The following PCDHA4 variants were observed in gnomAD, a reference collection of about 807,000 sequenced individuals.
The protein encoded by PCDHA4 is protocadherin alpha 4, also known as protocadherin alpha-4.
PCDHA4 carries 49 observed loss-of-function variants against 61.4 expected under a neutral mutation model. That is an observed-to-expected ratio of 0.80 (90% CI 0.63 to 1.01). The LOEUF (loss-of-function observed/expected upper bound fraction) is 1.01, where lower values mean the gene tolerates loss of function less well. PCDHA4 is among the 50% of genes least tolerant of loss of function. The pLI, the probability that PCDHA4 is intolerant of heterozygous loss-of-function variation, is 0.00. For missense variants in PCDHA4, 1,254 were observed against 1,235.8 expected, an observed-to-expected ratio of 1.01 and a Z score of -0.22; for synonymous variants, 590 against 550.3, an observed-to-expected ratio of 1.07 and a Z score of -1.01.
chr5:140,985,283 A>G (rs955144760), intron 3 of PCDHA4, among the ~76,000 whole-genome samples: 6 of 152,020 alleles, frequency 3.9e-5, no homozygotes, highest in Admixed American at 1.3e-4. Context: ...TCTGCAATCT[A>G]TGATATAGTG....
chr5:140,932,373 A>T (rs927239233), intron 1 of PCDHA4, among the ~76,000 whole-genome samples: 1 of 151,942 alleles, frequency 6.6e-6, no homozygotes, highest in Non-Finnish European at 1.5e-5. Flanking sequence ...AAATTTCCAC[A>T]TGAAAGTTAT....
At chr5:140,883,960 G>C in intron 1 of PCDHA4, 5 of 1,613,090 alleles carry the variant, frequency 3.1e-6, no homozygotes, top group Non-Finnish European at 4.2e-6. Flanking sequence ...ACGCTCCGGC[G>C]CTGCTGACGC....
chr5:140,848,973 G>A, intron 1 of PCDHA4: 1 of 1,600,934 alleles, frequency 6.2e-7, no homozygotes, highest in South Asian at 1.1e-5. Context: ...CGCGTCCGAT[G>A]CAGATATCGG....
chr5:140,927,702 C>T (rs533775539), intron 1 of PCDHA4: 2 of 1,614,210 alleles, frequency 1.2e-6, no homozygotes, highest in South Asian at 1.1e-5. Flanking sequence ...AAGTCCAGTA[C>T]TCCCTAAGCA....
At chr5:140,916,592 G>A (rs1554197534) in intron 1 of PCDHA4, among the ~76,000 whole-genome samples, 2 of 152,164 alleles carry the variant, frequency 1.3e-5, no homozygotes, top group Non-Finnish European at 2.9e-5. Flanking sequence ...ATGAGCTAGG[G>A]CCTGGAATGC....
At chr5:140,843,295 G>T in intron 1 of PCDHA4, 1 of 1,595,950 alleles carries the variant, frequency 6.3e-7, no homozygotes, top group African/African-American at 1.3e-5. Flanking sequence ...GTGAACCTGC[G>T]CTGACCGCCA....
chr5:140,863,308 G>T (rs782229195), intron 1 of PCDHA4: 3 of 1,462,294 alleles, frequency 2.1e-6, no homozygotes, highest in Non-Finnish European at 1.9e-6. Context: ...CGCCATCTGC[G>T]TGGTGTCCAG....
chr5:140,967,810 C>T, intron 1 of PCDHA4: 1 of 1,614,176 alleles, frequency 6.2e-7, no homozygotes, highest in Non-Finnish European at 8.5e-7. Context: ...TGGCAGGTCA[C>T]TGCAAGGTGC....
intron 3 of PCDHA4, among the ~76,000 whole-genome samples, chr5:141,002,322 G>A (rs1477526091): frequency 6.6e-6 from 1 of 152,190 alleles, no homozygotes; most frequent in South Asian, 2.1e-4. Context: ...CCTGGAGGCC[G>A]GGCTGCATCC....
At chr5:140,842,563 C>T in intron 1 of PCDHA4, 2 of 1,499,332 alleles carry the variant, frequency 1.3e-6, no homozygotes, top group South Asian at 1.2e-5. Flanking sequence ...GCGCCCTGGA[C>T]CGCGAGAGAG....
At chr5:140,937,085 T>G (rs1386368270) in intron 1 of PCDHA4, among the ~76,000 whole-genome samples, 2 of 150,536 alleles carry the variant, frequency 1.3e-5, no homozygotes, top group African/African-American at 4.9e-5. Context: ...TCGCCCAGGC[T>G]GGAGTGCAGT....
chr5:140,945,321 A>G (rs558331825), intron 1 of PCDHA4, among the ~76,000 whole-genome samples: 1 of 152,258 alleles, frequency 6.6e-6, no homozygotes, highest in Non-Finnish European at 1.5e-5. Flanking sequence ...AAATGGAAAT[A>G]TATTTTATGT....
intron 1 of PCDHA4, chr5:140,928,699 G>C (rs782291734): frequency 1.2e-6 from 2 of 1,614,170 alleles, no homozygotes; most frequent in East Asian, 2.2e-5. Flanking sequence ...CATCTCCCGG[G>C]CGTCTGACTC....
At chr5:140,983,585 A>G (rs561693645) in intron 3 of PCDHA4, among the ~76,000 whole-genome samples, 18 of 152,338 alleles carry the variant, frequency 1.2e-4, no homozygotes, top group Non-Finnish European at 2.1e-4. Flanking sequence ...TATTACATCT[A>G]TTCTACATAT....
chr5:140,881,494 A>G (rs1483226847), intron 1 of PCDHA4: 1 of 293,548 alleles, frequency 3.4e-6, no homozygotes, highest in African/African-American at 2.3e-5. Flanking sequence ...GTTTATGCAC[A>G]TACACACACT....
rs1554145527 is a variant in PCDHA4, at chr5:140,851,758, C to T, written c.2385+42186C>T. The T allele has an allele frequency of 1.1e-5, 11 of 969,794 alleles. 1 individual carries two copies. The highest frequency in any genetic ancestry group is 1.4e-5 in the Non-Finnish European group (11 of 802,714). 60.1% of individuals were successfully genotyped at this position (969,794 alleles called of 1,614,324 possible). ...GAAATTCAGAGTCTGTAACTTAAAACATTACCCTTATGAATTTAGATGAGA... is the reference window on the plus strand; with the variant it reads ...GAAATTCAGAGTCTGTAACTTAAAATATTACCCTTATGAATTTAGATGAGA... On this transcript the variant is annotated intron_variant, in intron 1 of 3. Transcript: ENST00000530339.
intron 1 of PCDHA4, chr5:140,869,893 C>T (rs375422597): frequency 6.2e-7 from 1 of 1,610,510 alleles, no homozygotes; most frequent in Admixed American, 1.7e-5. Flanking sequence ...TGTGCTCAAA[C>T]TAAACGCCAC....
At chr5:140,857,327 C>G (rs1554149849) in intron 1 of PCDHA4, 1 of 1,598,614 alleles carries the variant, frequency 6.3e-7, no homozygotes, top group Non-Finnish European at 8.6e-7. Flanking sequence ...GGTGACCGCG[C>G]GGGACGGGGG....
chr5:140,836,008 T>C (rs2150250526), intron 1 of PCDHA4: 4 of 1,613,236 alleles, frequency 2.5e-6, no homozygotes, highest in Non-Finnish European at 3.4e-6. Flanking sequence ...GATGCGGGCG[T>C]GCCGCCTCTG....
Sources: gnomAD v4.1 joint callset for allele counts (sites outside exome capture counted in the v4.1 genomes callset) on GRCh38, gnomAD v4.1.1 for gene constraint, MANE v1.5 for transcripts, NCBI Gene and HGNC (gene_info 2026-07-23, HGNC 2026-07-21) for gene names.